Variants in CORO2A observed in about 807,000 individuals in gnomAD.
CORO2A encodes coronin-2A.
Under a neutral mutation model 62.4 loss-of-function variants are expected in CORO2A, and 47 were observed. That is an observed-to-expected ratio of 0.75 (90% confidence interval 0.60 to 0.96). CORO2A has a LOEUF of 0.96. Among genes scored for constraint, CORO2A ranks in the 40% least tolerant of loss-of-function variants. The pLI is 0.00. For synonymous variants in CORO2A, 273 were observed against 268.9 expected (o/e 1.02, Z -0.15); for missense variants, 610 against 684.1 (o/e 0.89, Z 1.21).
At chr9:98,169,642 C>T (rs894046605) in intron 1 of CORO2A, among the ~76,000 whole-genome samples, 2 of 152,222 alleles carry the variant, frequency 1.3e-5, no homozygotes, top group African/African-American at 4.8e-5. Flanking sequence ...ACCTCCTTCT[C>T]ATCTCCACAG....
At chr9:98,158,067 C>T (rs1827831764) in intron 1 of CORO2A, among the ~76,000 whole-genome samples, 1 of 152,192 alleles carries the variant, frequency 6.6e-6, no homozygotes, top group East Asian at 1.9e-4. Context: ...GGGTTTCAAT[C>T]CCAGCTCTGT....
In CORO2A at chr9:98,175,334, C is replaced by T. The variant is rs145097013; in HGVS notation, c.-1+17225G>A. Among the ~76,000 whole-genome samples the T allele has an allele frequency of 2.4e-3, 367 of 152,272 alleles. 3 individuals are homozygous for T. The highest frequency in any genetic ancestry group is 7.4e-3 in the African/African-American group (306 of 41,552). On this transcript the variant is annotated intron_variant, in intron 1 of 11. Coordinates refer to ENST00000375077, the MANE Select transcript of CORO2A (RefSeq NM_052820.4). ...TATTTCCCCAGGCCCCTGGCAGAGT[C>T]GTGGCTCTTCCCACCAACCTCCCTC...
At chr9:98,155,904 C>T (rs1037826184) in intron 2 of CORO2A, among the ~76,000 whole-genome samples, 13 of 152,094 alleles carry the variant, frequency 8.5e-5, no homozygotes, top group Admixed American at 2.6e-4. Flanking sequence ...TCTGCAGGGG[C>T]TTGTCTATCA....
chr9:98,157,496 A>G lies in CORO2A; in HGVS notation c.165T>C (p.Ala55=), dbSNP rs1462452861. ...PHFIAVVTEC[A]GGGAFLVIPL... ...GGATGACGAGGAAGGCCCCTCCACC[A>G]GCACACTCAGTCACAACTGCAATGA... Residue 55 remains alanine, a synonymous_variant, in exon 2 of 12, where the codon GCT becomes GCC. Coordinates refer to ENST00000375077, the MANE Select transcript of CORO2A (RefSeq NM_052820.4). 2 of 1,614,238 alleles carry G rather than the reference A, an allele frequency of 1.2e-6. No individual in the cohort carries two copies. Among genetic ancestry groups the G allele is most frequent in the East Asian group, 4.5e-5 (2 of 44,882 alleles).
intron 1 of CORO2A, among the ~76,000 whole-genome samples, chr9:98,177,133 G>A (rs930357464): frequency 1.3e-5 from 2 of 152,200 alleles, no homozygotes. Context: ...TGTTTCTCCA[G>A]AGAGTGCTTT....
chr9:98,124,511 A>G lies in CORO2A; in HGVS notation c.*263T>C. ...GTGTTCTTTCCTCTTGAGAAGTTAC[A>G]GCTCATCATGGGCCCTTAATAACAG... On this transcript the variant is annotated 3_prime_UTR_variant, in exon 12 of 12. Coordinates refer to ENST00000375077, the MANE Select transcript of CORO2A (RefSeq NM_052820.4). 1 of 292,074 alleles carries G rather than the reference A, an allele frequency of 3.4e-6. No homozygotes were observed. Among genetic ancestry groups the G allele is most frequent in the Non-Finnish European group, 6.4e-6 (1 of 156,994 alleles). The allele number at this position is 292,074 out of a possible 1,614,324, so 18.1% of individuals were successfully genotyped here.
chr9:98,173,806 G>T (rs1002727793), intron 1 of CORO2A, among the ~76,000 whole-genome samples: 2 of 152,182 alleles, frequency 1.3e-5, no homozygotes, highest in Non-Finnish European at 2.9e-5. Flanking sequence ...TGTGAGATGA[G>T]CAAGGAGCTT....
chr9:98,168,381 C>T (rs1017592388), intron 1 of CORO2A, among the ~76,000 whole-genome samples: 5 of 152,244 alleles, frequency 3.3e-5, no homozygotes, highest in Non-Finnish European at 5.9e-5. Flanking sequence ...CACATACTAG[C>T]TAACGCCTAT....
chr9:98,138,283 C>T (rs1827516140), intron 2 of CORO2A, among the ~76,000 whole-genome samples: 2 of 151,916 alleles, frequency 1.3e-5, no homozygotes, highest in South Asian at 4.2e-4. Context: ...GGCGTGGTAG[C>T]ATGCACCTGT....
chr9:98,163,192 C>CT (rs375971591), intron 1 of CORO2A, among the ~76,000 whole-genome samples: 7 of 151,924 alleles, frequency 4.6e-5, no homozygotes, highest in Non-Finnish European at 8.8e-5. Flanking sequence ...GAGTTTATTT[C>CT]TTTTTTTTTC....
intron 1 of CORO2A, among the ~76,000 whole-genome samples, chr9:98,182,174 GC>G (rs1828185594): frequency 6.6e-6 from 1 of 152,202 alleles, no homozygotes; most frequent in Non-Finnish European, 1.5e-5. Flanking sequence ...GTTTTGCTGT[GC>G]TTGGTATCTC....
intron 1 of CORO2A, among the ~76,000 whole-genome samples, chr9:98,188,327 TTTTA>T (rs1828263376): frequency 2.0e-5 from 3 of 152,196 alleles, no homozygotes; most frequent in East Asian, 1.9e-4. Context: ...TTATCACTGA[TTTTA>T]TTTATCACCT....
At chr9:98,128,797 C>T in intron 8 of CORO2A, 78 bp from the exon 9 acceptor site, 1 of 1,152,282 alleles carries the variant, frequency 8.7e-7, no homozygotes, top group Non-Finnish European at 1.3e-6. Flanking sequence ...AGGCTGCACA[C>T]CTGGACCTGA....
Position 98,126,585 on chromosome 9 carries a change from G to A in CORO2A, c.1410C>T (p.Asp470=), listed in dbSNP as rs373005604. The part of the protein sequence containing the change: ...EKKTWLTNGF[D]VFECPPPKTE... The stretch of plus-strand genomic sequence containing the variant: ...TCTTTGGTGGGGGGCATTCGAAAAC[G>A]TCAAAGCCATTTGTCAGCCAGGTTT... Residue 470 remains aspartate, a synonymous_variant, in exon 11 of 12, where the codon GAC becomes GAT. Coordinates refer to ENST00000375077, the MANE Select transcript of CORO2A (RefSeq NM_052820.4). The A allele has an allele frequency of 8.1e-6, 13 of 1,613,956 alleles. No homozygotes were observed. Among genetic ancestry groups the A allele is most frequent in the South Asian group, 6.6e-5 (6 of 91,080 alleles).
intron 2 of CORO2A, among the ~76,000 whole-genome samples, chr9:98,155,812 T>C (rs1259141453): frequency 6.6e-6 from 1 of 152,228 alleles, no homozygotes; most frequent in African/African-American, 2.4e-5. Context: ...TAGTTCTTAT[T>C]AGATTTCAAA....
intron 1 of CORO2A, among the ~76,000 whole-genome samples, chr9:98,183,846 A>T (rs1206843275): frequency 4.6e-5 from 7 of 152,198 alleles, no homozygotes; most frequent in African/African-American, 1.4e-4. Context: ...CTGTGATCCC[A>T]GCTACTTGGG....
At chr9:98,166,561 G>A (rs2118898899) in intron 1 of CORO2A, among the ~76,000 whole-genome samples, 1 of 152,326 alleles carries the variant, frequency 6.6e-6, no homozygotes, top group Non-Finnish European at 1.5e-5. Context: ...TTAGTGCACT[G>A]TTGGTAGGAA....
chr9:98,180,953 G>A lies in CORO2A; in HGVS notation c.-1+11606C>T, dbSNP rs1435710598. ...ATGTGATTTCCATGGGCATGTTGTG[G>A]AAGGCCATTTCTTGTCCCCAGTAAC... On this transcript the variant is annotated intron_variant, in intron 1 of 11. Coordinates refer to ENST00000375077, the MANE Select transcript of CORO2A (RefSeq NM_052820.4). Among the ~76,000 whole-genome samples the A allele has an allele frequency of 2.0e-5, 3 of 152,334 alleles. No homozygotes were observed. The East Asian group carries it at 5.8e-4, about 29-fold the overall frequency.
At chr9:98,156,051 T>A (rs1283704758) in intron 2 of CORO2A, among the ~76,000 whole-genome samples, 4 of 33,072 alleles carry the variant, frequency 1.2e-4, no homozygotes, top group Non-Finnish European at 2.7e-4. Flanking sequence ...TTGTTTGAAT[T>A]TTTTTTTTTT....
Sources: gnomAD v4.1 joint callset for allele counts (sites outside exome capture counted in the v4.1 genomes callset) on GRCh38, gnomAD v4.1.1 for gene constraint, MANE v1.5 for transcripts, NCBI Gene and HGNC (gene_info 2026-07-23, HGNC 2026-07-21) for gene names.